TYR: variants seen among roughly 807,000 people sequenced by gnomAD.
TYR encodes tyrosinase.
TYR carries 58 observed loss-of-function variants against 51.5 expected under a neutral mutation model. The observed-to-expected ratio is 1.13, with a 90% CI of 0.91 to 1.40. The LOEUF (loss-of-function observed/expected upper bound fraction) is 1.40, where lower values mean the gene tolerates loss of function less well. Among genes scored for constraint, TYR ranks in the 40% most tolerant of loss-of-function variants. The pLI is 0.00. For missense variants in TYR, 732 were observed against 647.4 expected (o/e 1.13, Z -1.42); for synonymous variants, 263 against 235.2 (o/e 1.12, Z -1.08).
chr11:89,291,863 T>C (rs1944855905), intron 4 of TYR, among the ~76,000 whole-genome samples: 1 of 152,020 alleles, frequency 6.6e-6, no homozygotes, highest in Non-Finnish European at 1.5e-5. Flanking sequence ...TTTAACTCTC[T>C]TACAGCTTCC....
At chr11:89,202,576 G>A (rs1001744584) in intron 2 of TYR, among the ~76,000 whole-genome samples, 2 of 147,590 alleles carry the variant, frequency 1.4e-5, no homozygotes, top group Admixed American at 6.9e-5. Flanking sequence ...CTAACGTGTT[G>A]ATGTTGATAA....
At chr11:89,281,071 T>C (rs943702347) in intron 3 of TYR, among the ~76,000 whole-genome samples, 3 of 151,732 alleles carry the variant, frequency 2.0e-5, no homozygotes, top group African/African-American at 7.3e-5. Context: ...AATTAAATCT[T>C]AGTCCTTTAG....
chr11:89,230,318 G>T lies in TYR; in HGVS notation c.1184+2348G>T, dbSNP rs181070539. Among the ~76,000 whole-genome samples the T allele has an allele frequency of 5.4e-3, 827 of 152,178 alleles. 6 individuals are homozygous for T. The highest frequency in any genetic ancestry group is 0.014 in the African/African-American group (586 of 41,508). ...GCAATTAGTCGTTTGGGGACAATTG[G>T]ATATCCACATTCAGCAGAATGAAAT... On this transcript the variant is annotated intron_variant, in intron 3 of 4. Transcript: ENST00000263321.
intron 2 of TYR, among the ~76,000 whole-genome samples, chr11:89,222,977 C>T (rs991128445): frequency 1.1e-4 from 17 of 152,036 alleles, no homozygotes; most frequent in African/African-American, 3.1e-4. Flanking sequence ...CTGCACCTTG[C>T]TGTAATTTGG....
chr11:89,253,410 T>A (rs891204987), intron 3 of TYR, among the ~76,000 whole-genome samples: 1 of 151,664 alleles, frequency 6.6e-6, no homozygotes, highest in African/African-American at 2.4e-5. Context: ...TGCTGACCAT[T>A]TTAAATGAAC....
intron 3 of TYR, among the ~76,000 whole-genome samples, chr11:89,238,990 T>G (rs550624839): frequency 4.6e-5 from 7 of 152,282 alleles, no homozygotes; most frequent in African/African-American, 9.6e-5. Context: ...GTTTTAGTAT[T>G]CTTTGAAGAG....
chr11:89,185,167 C>T (rs568594186), intron 1 of TYR, among the ~76,000 whole-genome samples: 1 of 152,142 alleles, frequency 6.6e-6, no homozygotes, highest in African/African-American at 2.4e-5. Flanking sequence ...TTGTAGTCTT[C>T]CACAGTCTGG....
intron 2 of TYR, among the ~76,000 whole-genome samples, chr11:89,224,729 G>T (rs1161142286): frequency 6.6e-6 from 1 of 152,124 alleles, no homozygotes; most frequent in Non-Finnish European, 1.5e-5. Flanking sequence ...CTCCCAGAAT[G>T]GGAAAAACTT....
chr11:89,287,764 A>G (rs947267506), intron 4 of TYR, among the ~76,000 whole-genome samples: 1 of 151,982 alleles, frequency 6.6e-6, no homozygotes, highest in Admixed American at 6.6e-5. Context: ...TTCAGTATGC[A>G]GAAAAATTTT....
At chr11:89,237,796 T>C (rs965826106) in intron 3 of TYR, among the ~76,000 whole-genome samples, 11 of 152,004 alleles carry the variant, frequency 7.2e-5, no homozygotes, top group African/African-American at 2.4e-4. Context: ...ATTTTAATAA[T>C]ATTCTTTCTT....
intron 2 of TYR, among the ~76,000 whole-genome samples, chr11:89,217,866 C>A (rs1038870588): frequency 4.6e-5 from 7 of 152,182 alleles, no homozygotes; most frequent in Admixed American, 4.6e-4. Flanking sequence ...GGAAAAAGAT[C>A]ATGCTATTCT....
intron 3 of TYR, among the ~76,000 whole-genome samples, chr11:89,246,363 A>G (rs1223364025): frequency 6.6e-6 from 1 of 152,204 alleles, no homozygotes; most frequent in Non-Finnish European, 1.5e-5. Flanking sequence ...TACTTTCCTC[A>G]TAAGAACCTG....
At chr11:89,248,713 T>A (rs1944296419) in intron 3 of TYR, among the ~76,000 whole-genome samples, 1 of 152,194 alleles carries the variant, frequency 6.6e-6, no homozygotes, top group Admixed American at 6.5e-5. Flanking sequence ...TTTTTAAAAG[T>A]TGTCTTGGCT....
At chr11:89,247,871 G>A (rs1038046059) in intron 3 of TYR, among the ~76,000 whole-genome samples, 2 of 152,094 alleles carry the variant, frequency 1.3e-5, no homozygotes, top group African/African-American at 4.8e-5. Flanking sequence ...TAATTATTTC[G>A]AGAGCCAAAT....
chr11:89,245,303 C>A (rs758811201), intron 3 of TYR, among the ~76,000 whole-genome samples: 1 of 152,074 alleles, frequency 6.6e-6, no homozygotes, highest in Admixed American at 6.5e-5. Context: ...AAATTCTAAG[C>A]GCATCACATG....
At chr11:89,208,854 G>T (rs1432173254) in intron 2 of TYR, among the ~76,000 whole-genome samples, 9 of 152,104 alleles carry the variant, frequency 5.9e-5, no homozygotes, top group Non-Finnish European at 1.2e-4. Flanking sequence ...TATAAAGAAA[G>T]ATTTTCCATA....
intron 3 of TYR, among the ~76,000 whole-genome samples, chr11:89,253,777 A>G (rs1181387819): frequency 6.6e-6 from 1 of 151,806 alleles, no homozygotes; most frequent in Non-Finnish European, 1.5e-5. Context: ...GCAAACAGCA[A>G]CAGTTTGACT....
chr11:89,278,095 A>G (rs1000816857), intron 3 of TYR, among the ~76,000 whole-genome samples: 5 of 151,660 alleles, frequency 3.3e-5, no homozygotes, highest in African/African-American at 9.7e-5. Context: ...TAATTCCTTG[A>G]ATTTGTCGCA....
At chr11:89,295,058 C>T in intron 4 of TYR, 85 bp from the exon 5 acceptor site, 1 of 1,573,940 alleles carries the variant, frequency 6.4e-7, no homozygotes. Context: ...GGTGTCTACT[C>T]CAAAGGACTG....
Sources: allele counts gnomAD v4.1 joint callset (sites outside exome capture counted in the v4.1 genomes callset), GRCh38; gene constraint gnomAD v4.1.1; transcripts MANE v1.5; gene names NCBI Gene and HGNC (gene_info 2026-07-23, HGNC 2026-07-21).